Variants in KCNAB1 observed in about 807,000 individuals in gnomAD.
The protein encoded by KCNAB1 is potassium voltage-gated channel subfamily A regulatory beta subunit 1.
Under a neutral mutation model 64.6 loss-of-function variants are expected in KCNAB1, and 35 were observed. The ratio of observed to expected loss-of-function variants is 0.54; its 90% CI spans 0.41 to 0.72. The LOEUF is 0.72. KCNAB1 is among the 30% of genes least tolerant of loss of function. The pLI is 0.00. For missense variants in KCNAB1, 401 were observed against 512.9 expected (o/e 0.78, Z 2.11); for synonymous variants, 177 against 183.8 (o/e 0.96, Z 0.30).
Position 156,476,379 on chromosome 3 carries a change from C to T in KCNAB1, c.658+1559C>T, listed in dbSNP as rs578214983. Among the ~76,000 whole-genome samples, 15 of 152,178 alleles carry T rather than the reference C, an allele frequency of 9.9e-5. 1 individual carries two copies. In the South Asian group the frequency reaches 2.1e-3, roughly 21 times the overall value. The stretch of plus-strand genomic sequence containing the variant: ...TCCTCATAGCTTAGTTCTCACATAT[C>T]GGTGAGAACACACAACGTTTGGTTT... On this transcript the variant is annotated intron_variant, in intron 8 of 13. Transcript: ENST00000490337.
At chr3:156,228,737 A>G (rs1210931976) in intron 1 of KCNAB1, among the ~76,000 whole-genome samples, 1 of 152,212 alleles carries the variant, frequency 6.6e-6, no homozygotes, top group Non-Finnish European at 1.5e-5. Context: ...AATGGGGGAT[A>G]GATCAGAGAA....
chr3:156,320,736 G>A (rs1722599252), intron 1 of KCNAB1, among the ~76,000 whole-genome samples: 1 of 152,150 alleles, frequency 6.6e-6, no homozygotes, highest in Non-Finnish European at 1.5e-5. Flanking sequence ...CACAAGGCCT[G>A]TCCAGTGGGC....
intron 1 of KCNAB1, among the ~76,000 whole-genome samples, chr3:156,136,257 C>A (rs144199711): frequency 6.6e-6 from 1 of 152,174 alleles, no homozygotes; most frequent in Admixed American, 6.5e-5. Flanking sequence ...GTACTAGTTA[C>A]ATCAAATACA....
chr3:156,148,134 C>T (rs1433248477), intron 1 of KCNAB1, among the ~76,000 whole-genome samples: 3 of 152,170 alleles, frequency 2.0e-5, no homozygotes, highest in African/African-American at 4.8e-5. Context: ...ATCATTGAGT[C>T]TCTACTCATC....
Position 156,464,634 on chromosome 3 carries a change from CTA to C in KCNAB1, c.527+890_527+891del, listed in dbSNP as rs1283634555. 2.0e-5 allele frequency among the ~76,000 whole-genome samples: 3 copies of C among 152,046 alleles called. No individual in the cohort carries two copies. The East Asian group carries it at 5.8e-4, about 29-fold the overall frequency. Reference sequence around the variant, plus strand: ...TTTAGGAACCTTCTAATCAAAATGTCTATGTGTATATACACACTTGCAAACAC... The same window carrying C: ...TTTAGGAACCTTCTAATCAAAATGTCTGTGTATATACACACTTGCAAACAC... On this transcript the variant is annotated intron_variant, in intron 6 of 13. Transcript: ENST00000490337.
intron 11 of KCNAB1, among the ~76,000 whole-genome samples, chr3:156,521,042 G>A (rs778002952): frequency 1.3e-4 from 20 of 152,200 alleles, no homozygotes; most frequent in Admixed American, 4.6e-4. Context: ...CATTGGGAGA[G>A]GGCAAAGAAA....
intron 1 of KCNAB1, among the ~76,000 whole-genome samples, chr3:156,322,716 A>G (rs1016807077): frequency 1.3e-5 from 2 of 152,200 alleles, no homozygotes; most frequent in African/African-American, 2.4e-5. Context: ...TCTAATTCTT[A>G]TTCCTTTACC....
intron 12 of KCNAB1, 59 bp from the exon 13 acceptor site, chr3:156,531,350 T>G: frequency 8.0e-7 from 1 of 1,251,580 alleles, no homozygotes; most frequent in East Asian, 2.3e-5. Flanking sequence ...CAGGTGTTTA[T>G]AAGCTAATCA....
intron 1 of KCNAB1, among the ~76,000 whole-genome samples, chr3:156,146,472 A>G (rs1046291999): frequency 6.6e-6 from 1 of 152,208 alleles, no homozygotes; most frequent in Non-Finnish European, 1.5e-5. Context: ...CACCAAAAAT[A>G]TCTAGACTGA....
At chr3:156,125,344 G>A (rs985247142) in intron 1 of KCNAB1, among the ~76,000 whole-genome samples, 3 of 152,156 alleles carry the variant, frequency 2.0e-5, no homozygotes, top group African/African-American at 7.2e-5. Context: ...AGCATCAAGA[G>A]CTGAGCATCC....
chr3:156,144,413 C>T (rs919916040), intron 1 of KCNAB1, among the ~76,000 whole-genome samples: 46 of 152,166 alleles, frequency 3.0e-4, no homozygotes, highest in Admixed American at 2.6e-3. Context: ...TGATATGGCT[C>T]CTCTCTGGAG....
chr3:156,399,519 A>G (rs1356019165), intron 1 of KCNAB1, among the ~76,000 whole-genome samples: 1 of 152,168 alleles, frequency 6.6e-6, no homozygotes, highest in Admixed American at 6.5e-5. Flanking sequence ...CTAAATTACA[A>G]TGCAAGCAGC....
At chr3:156,367,159 A>G (rs1398768380) in intron 1 of KCNAB1, among the ~76,000 whole-genome samples, 2 of 149,572 alleles carry the variant, frequency 1.3e-5, no homozygotes, top group East Asian at 1.9e-4. Flanking sequence ...GTGGCATCTC[A>G]GAGTAATCTA....
At chr3:156,243,612 G>A (rs1341373708) in intron 1 of KCNAB1, among the ~76,000 whole-genome samples, 2 of 152,216 alleles carry the variant, frequency 1.3e-5, no homozygotes, top group African/African-American at 4.8e-5. Flanking sequence ...ATTGAACTTT[G>A]TTGACAGGTG....
chr3:156,446,806 C>T (rs1312671597), intron 2 of KCNAB1: 1 of 152,332 alleles, frequency 6.6e-6, no homozygotes, highest in Non-Finnish European at 1.5e-5. Context: ...GAACAGCCTC[C>T]TAACTGGTCC....
Position 156,457,587 on chromosome 3 carries a change from C to G in KCNAB1, c.437+55C>G. The G allele has an allele frequency of 2.1e-6, 3 of 1,426,162 alleles. No homozygotes were observed. The Admixed American group carries it at 5.0e-5, about 24-fold the overall frequency. 88.3% of individuals were successfully genotyped at this position (1,426,162 alleles called of 1,614,324 possible). A position where few individuals can be genotyped will look rare whatever the true frequency, so the allele number is the denominator to read the frequency against. Reference sequence around the variant, plus strand: ...ATGGCATCTGTAGCACCAAAAGAATCAGCCCAGACCATTTCCAGCATGTTG... The same window carrying G: ...ATGGCATCTGTAGCACCAAAAGAATGAGCCCAGACCATTTCCAGCATGTTG... On this transcript the variant is annotated intron_variant, in intron 4 of 13. Coordinates refer to ENST00000490337, the MANE Select transcript of KCNAB1 (RefSeq NM_172160.3).
chr3:156,450,711 A>G (rs1711926900), intron 2 of KCNAB1, among the ~76,000 whole-genome samples: 1 of 152,178 alleles, frequency 6.6e-6, no homozygotes, highest in Non-Finnish European at 1.5e-5. Context: ...TTCTCATTCA[A>G]AAACAAATGC....
chr3:156,237,433 G>A (rs1016468322), intron 1 of KCNAB1, among the ~76,000 whole-genome samples: 6 of 152,194 alleles, frequency 3.9e-5, no homozygotes, highest in Admixed American at 6.5e-5. Flanking sequence ...ATGGAAAAAC[G>A]AGAATTAAAG....
At chr3:156,196,373 G>A (rs775653892) in intron 1 of KCNAB1, among the ~76,000 whole-genome samples, 1 of 152,144 alleles carries the variant, frequency 6.6e-6, no homozygotes, top group Non-Finnish European at 1.5e-5. Context: ...GCTGGAAATA[G>A]CATTAAATCT....
Sources: allele counts gnomAD v4.1 joint callset (sites outside exome capture counted in the v4.1 genomes callset), GRCh38; gene constraint gnomAD v4.1.1; transcripts MANE v1.5; gene names NCBI Gene and HGNC (gene_info 2026-07-23, HGNC 2026-07-21).